The following GALNTL6 variants were observed in gnomAD, a reference collection of about 807,000 sequenced individuals.
GALNTL6 encodes polypeptide N-acetylgalactosaminyltransferase like 6, also known as polypeptide N-acetylgalactosaminyltransferase-like 6.
In GALNTL6, 46 loss-of-function variants were observed where a neutral mutation model predicts 73.7. That is an observed-to-expected ratio of 0.62 (90% CI 0.49 to 0.80). The LOEUF is 0.80. GALNTL6 is among the 30% of genes least tolerant of loss of function. The pLI is 0.00. For missense variants in GALNTL6, 604 were observed against 755.0 expected (o/e 0.80, Z 2.34); for synonymous variants, 259 against 263.7 (o/e 0.98, Z 0.17).
At chr4:172,728,470 T>C (rs1030625464) in intron 5 of GALNTL6, among the ~76,000 whole-genome samples, 1 of 151,918 alleles carries the variant, frequency 6.6e-6, no homozygotes, top group Admixed American at 6.6e-5. Context: ...TTGTTATGGC[T>C]GAATTATATT....
chr4:172,845,756 CT>C (rs948453713), intron 7 of GALNTL6, among the ~76,000 whole-genome samples: 1 of 151,866 alleles, frequency 6.6e-6, no homozygotes, highest in Non-Finnish European at 1.5e-5. Flanking sequence ...AGAAAAAAGA[CT>C]TTTTTTTACC....
chr4:171,995,530 G>T (rs560090579), intron 2 of GALNTL6, among the ~76,000 whole-genome samples: 11 of 152,002 alleles, frequency 7.2e-5, no homozygotes, highest in African/African-American at 2.6e-4. Context: ...CATCTGAAAA[G>T]ATATTTAATA....
intron 2 of GALNTL6, chr4:171,816,229 A>G (rs191132111): frequency 6.6e-6 from 1 of 152,138 alleles, no homozygotes; most frequent in South Asian, 2.1e-4. Flanking sequence ...TTCAATTAAC[A>G]ATAACCATCT....
At chr4:172,545,236 A>G (rs1735703601) in intron 5 of GALNTL6, among the ~76,000 whole-genome samples, 1 of 152,194 alleles carries the variant, frequency 6.6e-6, no homozygotes, top group South Asian at 2.1e-4. Flanking sequence ...GTAATATGAT[A>G]TGGCTACAGC....
At chr4:172,177,816 TGTGTATATATACACACAC>T (rs1735087240) in intron 2 of GALNTL6, among the ~76,000 whole-genome samples, 2 of 131,954 alleles carry the variant, frequency 1.5e-5, no homozygotes, top group Non-Finnish European at 3.2e-5. Flanking sequence ...CATATATGTG[TGTGTATATATACACACAC>T]ATATATATGT....
intron 5 of GALNTL6, among the ~76,000 whole-genome samples, chr4:172,608,100 T>C (rs1738377453): frequency 6.6e-6 from 1 of 152,156 alleles, no homozygotes; most frequent in Non-Finnish European, 1.5e-5. Context: ...ACTCTTTTGA[T>C]GTTTCTTTTG....
chr4:171,988,210 T>C (rs1740173990), intron 2 of GALNTL6, among the ~76,000 whole-genome samples: 1 of 152,166 alleles, frequency 6.6e-6, no homozygotes, highest in South Asian at 2.1e-4. Context: ...GTAAGAATTC[T>C]GACCGCACTA....
chr4:171,868,506 A>G (rs1197705235), intron 2 of GALNTL6, among the ~76,000 whole-genome samples: 3 of 152,138 alleles, frequency 2.0e-5, no homozygotes, highest in African/African-American at 7.2e-5. Context: ...TCTGGAGTGA[A>G]AGAAGAAAAT....
chr4:172,869,644 C>A (rs1490556118), intron 7 of GALNTL6, among the ~76,000 whole-genome samples: 1 of 152,176 alleles, frequency 6.6e-6, no homozygotes, highest in African/African-American at 2.4e-5. Context: ...TTTCCAATGT[C>A]ATCTAAGGTA....
intron 2 of GALNTL6, among the ~76,000 whole-genome samples, chr4:172,181,677 T>G (rs1252896964): frequency 2.0e-5 from 3 of 151,676 alleles, no homozygotes; most frequent in African/African-American, 7.3e-5. Flanking sequence ...ATGACATGAT[T>G]GTATATTTAG....
chr4:172,203,794 T>C (rs1194100228), intron 2 of GALNTL6, among the ~76,000 whole-genome samples: 1 of 152,192 alleles, frequency 6.6e-6, no homozygotes, highest in East Asian at 1.9e-4. Flanking sequence ...TTGCCCAGGC[T>C]GGAGTGCAAT....
intron 2 of GALNTL6, among the ~76,000 whole-genome samples, chr4:172,216,645 T>G (rs1195575100): frequency 6.6e-6 from 1 of 152,184 alleles, no homozygotes; most frequent in Non-Finnish European, 1.5e-5. Context: ...AAATATTTTA[T>G]CTCTCAGTTT....
intron 2 of GALNTL6, among the ~76,000 whole-genome samples, chr4:171,859,747 AG>A (rs144340549): frequency 6.6e-6 from 1 of 152,282 alleles, no homozygotes; most frequent in African/African-American, 2.4e-5. Flanking sequence ...TTTGGTGTCC[AG>A]GGTTTATGTT....
chr4:172,902,627 C>T (rs527980685), intron 8 of GALNTL6, among the ~76,000 whole-genome samples: 1 of 152,134 alleles, frequency 6.6e-6, no homozygotes, highest in Non-Finnish European at 1.5e-5. Context: ...GTATGAACAC[C>T]ATCTGTCCTA....
At chr4:172,708,250 A>G (rs1198727732) in intron 5 of GALNTL6, among the ~76,000 whole-genome samples, 3 of 152,106 alleles carry the variant, frequency 2.0e-5, no homozygotes, top group Non-Finnish European at 4.4e-5. Context: ...GAGTTTTGCT[A>G]TGTTGCCAGG....
chr4:171,981,831 A>G (rs1173577033), intron 2 of GALNTL6, among the ~76,000 whole-genome samples: 2 of 152,006 alleles, frequency 1.3e-5, no homozygotes, highest in Non-Finnish European at 2.9e-5. Flanking sequence ...AATTATTCTC[A>G]ATGATTAAGA....
chr4:172,614,195 T>C (rs1354156256), intron 5 of GALNTL6, among the ~76,000 whole-genome samples: 6 of 152,106 alleles, frequency 3.9e-5, no homozygotes, highest in African/African-American at 1.2e-4. Context: ...TCAATCGCTC[T>C]TGTGTTCTGT....
intron 3 of GALNTL6, among the ~76,000 whole-genome samples, chr4:172,237,705 G>A (rs1560984182): frequency 6.6e-6 from 1 of 152,004 alleles, no homozygotes; most frequent in Non-Finnish European, 1.5e-5. Context: ...TTTCTTCAAG[G>A]ATTTTATAAT....
chr4:172,518,044 T>G (rs1734662994), intron 5 of GALNTL6, among the ~76,000 whole-genome samples: 1 of 151,972 alleles, frequency 6.6e-6, no homozygotes, highest in Admixed American at 6.6e-5. Context: ...TCACATATTC[T>G]GCCCCAGTAT....
Sources: allele counts gnomAD v4.1 joint callset (sites outside exome capture counted in the v4.1 genomes callset), GRCh38; gene constraint gnomAD v4.1.1; transcripts MANE v1.5; gene names NCBI Gene and HGNC (gene_info 2026-07-23, HGNC 2026-07-21).